Variants in REDIC1 observed in about 807,000 individuals in gnomAD.
REDIC1 encodes regulator of DNA class I crossover intermediates 1.
At chr12:39,653,661 T>C in the REDIC1 span, among the ~76,000 whole-genome samples, 250 of 151,652 alleles carry the variant, frequency 1.6e-3, 1 homozygote, top group African/African-American at 5.7e-3. Context: ...CAATTTTTAC[T>C]TCCCTTTCTT....
the REDIC1 span, among the ~76,000 whole-genome samples, chr12:39,867,236 A>C: frequency 0.044 from 6,700 of 152,250 alleles, 240 homozygotes; most frequent in African/African-American, 0.099. Context: ...TTAAATCAGG[A>C]AACTTTGATA....
chr12:39,724,890 A>G, the REDIC1 span, among the ~76,000 whole-genome samples: 2 of 152,154 alleles, frequency 1.3e-5, no homozygotes, highest in East Asian at 1.9e-4. Flanking sequence ...GAGAAGCTTT[A>G]TATGTTTAAT....
chr12:39,763,810 C>A, the REDIC1 span, among the ~76,000 whole-genome samples: 1 of 152,080 alleles, frequency 6.6e-6, no homozygotes, highest in East Asian at 1.9e-4. Flanking sequence ...AAGTCTTTTC[C>A]TGACTCAGCC....
chr12:39,685,836 C>G, the REDIC1 span, among the ~76,000 whole-genome samples: 1 of 152,196 alleles, frequency 6.6e-6, no homozygotes, highest in Non-Finnish European at 1.5e-5. Flanking sequence ...GCGGTACAAG[C>G]ATTGGGTAAA....
chr12:39,685,442 A>C, the REDIC1 span, among the ~76,000 whole-genome samples: 1 of 152,096 alleles, frequency 6.6e-6, no homozygotes, highest in African/African-American at 2.4e-5. Context: ...CAGACTTTTA[A>C]ATGACCAGAT....
At chr12:39,732,883 C>T in the REDIC1 span, among the ~76,000 whole-genome samples, 2 of 152,132 alleles carry the variant, frequency 1.3e-5, no homozygotes, top group African/African-American at 4.8e-5. Flanking sequence ...GACAAGGTGT[C>T]TGGCATGACA....
the REDIC1 span, among the ~76,000 whole-genome samples, chr12:39,712,930 C>T: frequency 7.0e-6 from 1 of 142,532 alleles, no homozygotes. Flanking sequence ...TGTGCATATA[C>T]GTGTATATAC....
At chr12:39,760,394 C>T in the REDIC1 span, 1 of 648,844 alleles carries the variant, frequency 1.5e-6, no homozygotes, top group Non-Finnish European at 2.6e-6. Flanking sequence ...TACTATGAAC[C>T]TGGTTTACTC....
chr12:39,757,507 A>G, the REDIC1 span: 2 of 151,586 alleles, frequency 1.3e-5, no homozygotes, highest in Non-Finnish European at 3.0e-5. Context: ...TAAAAATAAT[A>G]CCCTAATTGT....
chr12:39,814,116 A>ATAAT, the REDIC1 span, among the ~76,000 whole-genome samples: 6 of 152,194 alleles, frequency 3.9e-5, no homozygotes, highest in Non-Finnish European at 7.3e-5. Flanking sequence ...TTTCTTTGTG[A>ATAAT]TAATTAAGAA....
the REDIC1 span, among the ~76,000 whole-genome samples, chr12:39,853,268 G>A: frequency 5.3e-4 from 81 of 152,214 alleles, 1 homozygote; most frequent in African/African-American, 1.8e-3. Context: ...GAAAATAAAG[G>A]CATCTCATCT....
the REDIC1 span, among the ~76,000 whole-genome samples, chr12:39,859,193 C>CTA: frequency 6.6e-6 from 1 of 151,476 alleles, no homozygotes; most frequent in Non-Finnish European, 1.5e-5. Context: ...AAATGTGAAA[C>CTA]TATCACTATA....
At chr12:39,833,224 G>A in the REDIC1 span, among the ~76,000 whole-genome samples, 2 of 152,248 alleles carry the variant, frequency 1.3e-5, no homozygotes, top group South Asian at 4.1e-4. Context: ...ACAGAGCTGA[G>A]AAGTTGTAAC....
At chr12:39,854,478 C>T in the REDIC1 span, among the ~76,000 whole-genome samples, 3 of 152,174 alleles carry the variant, frequency 2.0e-5, no homozygotes, top group Non-Finnish European at 4.4e-5. Flanking sequence ...TGCCCAAACG[C>T]CTTTTCCCTC....
chr12:39,762,600 T>C, the REDIC1 span, among the ~76,000 whole-genome samples: 1 of 152,008 alleles, frequency 6.6e-6, no homozygotes. Context: ...AATTTTGAGA[T>C]CTTATGAAAC....
At chr12:39,791,281 A>G in the REDIC1 span, among the ~76,000 whole-genome samples, 1 of 124,500 alleles carries the variant, frequency 8.0e-6, no homozygotes, top group African/African-American at 3.1e-5. Flanking sequence ...TGAATGGGCA[A>G]AAACTGGAAG....
chr12:39,714,291 G>GCATATATGTATATATGTATATA, the REDIC1 span, among the ~76,000 whole-genome samples: 167 of 39,276 alleles, frequency 4.3e-3, 10 homozygotes, highest in Non-Finnish European at 8.7e-3. Context: ...ATACGTATAT[G>GCATATATGTATATATGTATATA]CATGCATATA....
chr12:39,898,985 G>A, the REDIC1 span, among the ~76,000 whole-genome samples: 950 of 152,248 alleles, frequency 6.2e-3, 7 homozygotes, highest in African/African-American at 0.022. Context: ...TCAGGATGAT[G>A]CTGGCCTCAT....
the REDIC1 span, among the ~76,000 whole-genome samples, chr12:39,813,739 C>T: frequency 0.015 from 2,212 of 152,224 alleles, 56 homozygotes; most frequent in African/African-American, 0.048. Context: ...ACTTGAAACA[C>T]GGCTGCAGCC....
Sources: allele counts gnomAD v4.1 joint callset (sites outside exome capture counted in the v4.1 genomes callset), GRCh38; gene constraint gnomAD v4.1.1; transcripts MANE v1.5; gene names NCBI Gene and HGNC (gene_info 2026-07-23, HGNC 2026-07-21).